Variants in CLVS1 observed in about 807,000 individuals in gnomAD.
CLVS1 encodes the protein clavesin-1.
CLVS1 carries 10 observed loss-of-function variants against 33.1 expected under a neutral mutation model. The ratio of observed to expected loss-of-function variants is 0.30; its 90% confidence interval spans 0.19 to 0.51. CLVS1 has a LOEUF of 0.51. Among genes scored for constraint, CLVS1 ranks in the 20% least tolerant of loss-of-function variants. CLVS1 has a pLI of 0.97. For synonymous variants in CLVS1, 163 were observed against 166.1 expected (o/e 0.98, Z 0.14); for missense variants, 343 against 433.4 (o/e 0.79, Z 1.85).
chr8:61,330,528 A>G (rs1416642173), intron 2 of CLVS1, among the ~76,000 whole-genome samples: 1 of 152,154 alleles, frequency 6.6e-6, no homozygotes, highest in African/African-American at 2.4e-5. Context: ...TGCACTAAAG[A>G]TTAATTCACC....
At chr8:61,246,344 A>C (rs1479291858) in intron 2 of CLVS1, among the ~76,000 whole-genome samples, 3 of 149,870 alleles carry the variant, frequency 2.0e-5, no homozygotes, top group Non-Finnish European at 4.4e-5. Context: ...TAATTTTTGC[A>C]TTTTTAGTAG....
At position 61,485,560 on chromosome 8, in the gene CLVS1, G is replaced by A. The variant is rs112374289; in HGVS notation, c.978-13895G>A. 7.9e-3 allele frequency among the ~76,000 whole-genome samples: 1,195 copies of A among 152,218 alleles called. 20 individuals carry two copies. The highest frequency in any genetic ancestry group is 0.027 in the African/African-American group (1,140 of 41,536). ...GGCGATTCTTTGATGATCTAGAACT[G>A]GAAATACCATTTGACCCAGCCATCC... On this transcript the variant is annotated intron_variant, in intron 5 of 5. Coordinates refer to ENST00000325897, the MANE Select transcript of CLVS1 (RefSeq NM_173519.3).
Position 61,299,729 on chromosome 8 carries a change from G to A in CLVS1, c.-99G>A, listed in dbSNP as rs1810359751. 2 of 833,576 alleles carry A rather than the reference G, an allele frequency of 2.4e-6. No individual in the cohort carries two copies. The highest frequency in any genetic ancestry group is 3.8e-6 in the Non-Finnish European group (2 of 532,548). 51.6% of individuals were successfully genotyped at this position (833,576 alleles called of 1,614,324 possible). On this transcript the variant is annotated 5_prime_UTR_variant, in exon 2 of 6. Transcript: ENST00000325897. ...TTTTGGATGAACACCACCACATAGGGCCTGAATGTGAAAGAAGACCCTCTA... is the reference window on the plus strand; with the variant it reads ...TTTTGGATGAACACCACCACATAGGACCTGAATGTGAAAGAAGACCCTCTA...
At chr8:61,104,602 A>AT (rs541046714) in intron 1 of CLVS1, among the ~76,000 whole-genome samples, 31 of 152,300 alleles carry the variant, frequency 2.0e-4, no homozygotes, top group African/African-American at 6.0e-4. Context: ...TTTATAATAC[A>AT]TTTTTTTCCC....
At chr8:61,376,948 A>G in intron 3 of CLVS1, 169 bp downstream of exon 3, 1 of 538,016 alleles carries the variant, frequency 1.9e-6, no homozygotes, top group Non-Finnish European at 3.1e-6. Flanking sequence ...ATGCTTTTTA[A>G]AATTAACTTT....
At chr8:61,148,862 G>A (rs1368769234) in intron 2 of CLVS1, among the ~76,000 whole-genome samples, 2 of 152,178 alleles carry the variant, frequency 1.3e-5, no homozygotes, top group Non-Finnish European at 2.9e-5. Context: ...TACGTGTGTC[G>A]TGATATCTGG....
intron 2 of CLVS1, among the ~76,000 whole-genome samples, chr8:61,255,870 C>A (rs2349945): frequency 6.6e-6 from 1 of 151,914 alleles, no homozygotes; most frequent in South Asian, 2.1e-4. Flanking sequence ...TTAAGGAATG[C>A]GTAATTCAAC....
rs1402167245 is a variant in CLVS1, at chr8:61,411,231, G to A, written c.630+34452G>A. Among the ~76,000 whole-genome samples the A allele has an allele frequency of 2.6e-5, 4 of 152,184 alleles. No individual in the cohort carries two copies. The South Asian group carries it at 6.2e-4, about 24-fold the overall frequency. On this transcript the variant is annotated intron_variant, in intron 3 of 5. Transcript: ENST00000325897. ...ATAAGGAAAAAGAAAAAATAAAAAA[G>A]TCGTTGTTCAGGTTCCAGAGGTTGT...
intron 2 of CLVS1, among the ~76,000 whole-genome samples, chr8:61,181,711 T>TTTTTA (rs1807237566): frequency 6.9e-6 from 1 of 144,994 alleles, no homozygotes; most frequent in Non-Finnish European, 1.5e-5. Context: ...TTTTTTTTTT[T>TTTTTA]TTTTTTGAGA....
chr8:61,477,269 T>C (rs1175960867), intron 5 of CLVS1, among the ~76,000 whole-genome samples: 1 of 152,172 alleles, frequency 6.6e-6, no homozygotes, highest in Non-Finnish European at 1.5e-5. Flanking sequence ...TTTTTTTTTG[T>C]TGTGTCTCTG....
intron 2 of CLVS1, among the ~76,000 whole-genome samples, chr8:61,232,837 A>G (rs550876423): frequency 6.6e-6 from 1 of 152,316 alleles, no homozygotes; most frequent in Non-Finnish European, 1.5e-5. Flanking sequence ...AGTATTACTC[A>G]TGCTTTATCT....
chr8:61,352,008 A>C (rs1267021459), intron 2 of CLVS1, among the ~76,000 whole-genome samples: 1 of 152,090 alleles, frequency 6.6e-6, no homozygotes, highest in East Asian at 1.9e-4. Flanking sequence ...CAAGAGGAAG[A>C]GTAGAAACAT....
chr8:61,487,596 C>T (rs1011323547), intron 5 of CLVS1, among the ~76,000 whole-genome samples: 1 of 152,156 alleles, frequency 6.6e-6, no homozygotes, highest in Non-Finnish European at 1.5e-5. Context: ...TGTTCTCATT[C>T]GTGGCAGCCC....
intron 3 of CLVS1, among the ~76,000 whole-genome samples, chr8:61,386,873 G>A (rs1416753119): frequency 1.3e-5 from 2 of 152,128 alleles, no homozygotes; most frequent in East Asian, 3.9e-4. Flanking sequence ...TTCATTAAGT[G>A]GAGCAGGAGA....
In CLVS1 at chr8:61,417,543, C is replaced by CCACAGTG. The variant is rs147000195; in HGVS notation, c.631-36598_631-36597insCACAGTG. On this transcript the variant is annotated intron_variant, in intron 3 of 5. Transcript: ENST00000325897. ...TTCTTTGACCACTGTGGGATGTCACCACTATAAAATCACTCCTCTTTTCAA... is the reference window on the plus strand; with the variant it reads ...TTCTTTGACCACTGTGGGATGTCACCCACAGTGACTATAAAATCACTCCTCTTTTCAA... Among the ~76,000 whole-genome samples the CCACAGTG allele has an allele frequency of 3.6e-4, 55 of 152,260 alleles. No individual in the cohort carries two copies. In the East Asian group the frequency reaches 9.7e-3, roughly 27 times the overall value.
chr8:61,195,446 G>A (rs1409646514), intron 2 of CLVS1, among the ~76,000 whole-genome samples: 1 of 151,828 alleles, frequency 6.6e-6, no homozygotes, highest in Non-Finnish European at 1.5e-5. Context: ...ATTGTAGTGA[G>A]TACTTATCAT....
intron 2 of CLVS1, among the ~76,000 whole-genome samples, chr8:61,150,494 G>A (rs1806506778): frequency 3.9e-5 from 6 of 152,152 alleles, no homozygotes; most frequent in Admixed American, 3.9e-4. Flanking sequence ...GTTTCTATGG[G>A]GGTCGGGGGC....
At chr8:61,374,185 A>C (rs1019424502) in intron 2 of CLVS1, among the ~76,000 whole-genome samples, 2 of 152,318 alleles carry the variant, frequency 1.3e-5, no homozygotes, top group Non-Finnish European at 2.9e-5. Context: ...ATAAGTGAAG[A>C]ATTGGTGTCA....
intron 2 of CLVS1, among the ~76,000 whole-genome samples, chr8:61,141,893 G>T (rs1585639710): frequency 6.6e-6 from 1 of 152,168 alleles, no homozygotes; most frequent in Non-Finnish European, 1.5e-5. Flanking sequence ...TTTGAGCAGG[G>T]CTCTATTGGC....
Sources: allele counts gnomAD v4.1 joint callset (sites outside exome capture counted in the v4.1 genomes callset), GRCh38; gene constraint gnomAD v4.1.1; transcripts MANE v1.5; gene names NCBI Gene and HGNC (gene_info 2026-07-23, HGNC 2026-07-21).